CCSER1: variants seen among roughly 807,000 people sequenced by gnomAD.
CCSER1 encodes coiled-coil serine rich protein 1.
A neutral mutation model predicts 82.0 loss-of-function variants in CCSER1; 41 were observed. That is an observed-to-expected ratio of 0.50 (90% CI 0.39 to 0.65). The LOEUF is 0.65. CCSER1 is among the 30% of genes least tolerant of loss of function. The pLI, the probability that CCSER1 is intolerant of heterozygous loss-of-function variation, is 0.00. For missense variants in CCSER1, 1,119 were observed against 1,064.2 expected (o/e 1.05, Z -0.72); for synonymous variants, 414 against 383.9 (o/e 1.08, Z -0.92).
At chr4:90,533,346 T>C (rs1163611616) in intron 5 of CCSER1, among the ~76,000 whole-genome samples, 1 of 152,040 alleles carries the variant, frequency 6.6e-6, no homozygotes, top group Non-Finnish European at 1.5e-5. Flanking sequence ...CCGCCCGCCT[T>C]GGCCTCCCAA....
rs866468677 is a variant in CCSER1, at chr4:90,467,669, C to T, written c.1604-565C>T. On this transcript the variant is annotated intron_variant, in intron 4 of 10. Transcript: ENST00000509176. ...CTGCACTCCACTCTGGGAGACAGAG[C>T]GAGACTCCGTCTCAAAAAACAAAAC... 2.1e-4 allele frequency among the ~76,000 whole-genome samples: 32 copies of T among 151,212 alleles called. 1 individual carries two copies. The highest frequency in any genetic ancestry group is 5.1e-4 in the African/African-American group (21 of 41,146).
At chr4:90,493,788 C>A (rs1434285003) in intron 5 of CCSER1, among the ~76,000 whole-genome samples, 2 of 152,116 alleles carry the variant, frequency 1.3e-5, no homozygotes, top group African/African-American at 4.8e-5. Context: ...AAAGGAACAA[C>A]CGGTACCAGC....
chr4:90,834,960 G>A (rs1761600117), intron 8 of CCSER1, among the ~76,000 whole-genome samples: 1 of 152,152 alleles, frequency 6.6e-6, no homozygotes, highest in African/African-American at 2.4e-5. Context: ...CTTTTCAAAT[G>A]TTTCTAATAT....
At chr4:90,404,475 C>T (rs1025653305) in intron 4 of CCSER1, among the ~76,000 whole-genome samples, 1 of 152,178 alleles carries the variant, frequency 6.6e-6, no homozygotes, top group African/African-American at 2.4e-5. Flanking sequence ...CCAAGTGTCC[C>T]TAGGGCAAGT....
At chr4:91,114,674 G>T in intron 10 of CCSER1, among the ~76,000 whole-genome samples, 1 of 152,286 alleles carries the variant, frequency 6.6e-6, no homozygotes, top group East Asian at 1.9e-4. Context: ...TTATACAAAT[G>T]AAAGAAAGAT....
rs62309639 is a variant in CCSER1 at position 91,566,787 on chromosome 4, T to C, written c.2218-31785T>C. Among the ~76,000 whole-genome samples, 807 of 152,096 alleles carry C rather than the reference T, an allele frequency of 5.3e-3. 1 individual carries two copies. The highest frequency in any genetic ancestry group is 8.1e-3 in the Admixed American group (123 of 15,270). On this transcript the variant is annotated intron_variant, in intron 10 of 10. Coordinates refer to ENST00000509176, the MANE Select transcript of CCSER1 (RefSeq NM_001145065.2). ...ATTTGGATCTTCTCTCTATTCTTCT[T>C]TATTAGTATAGCTAGTAACCTATCT...
At chr4:90,564,622 C>T (rs1046834434) in intron 5 of CCSER1, among the ~76,000 whole-genome samples, 2 of 151,336 alleles carry the variant, frequency 1.3e-5, no homozygotes, top group African/African-American at 2.4e-5. Flanking sequence ...TGGAGCTTTC[C>T]CTCTATTTTT....
intron 3 of CCSER1, among the ~76,000 whole-genome samples, chr4:90,366,910 A>G (rs1298982984): frequency 6.6e-6 from 1 of 151,888 alleles, no homozygotes; most frequent in Non-Finnish European, 1.5e-5. Flanking sequence ...AATAAAAGGT[A>G]TGTATAACTT....
intron 4 of CCSER1, among the ~76,000 whole-genome samples, chr4:90,413,068 A>G (rs756752980): frequency 2.0e-5 from 3 of 152,246 alleles, no homozygotes; most frequent in Non-Finnish European, 4.4e-5. Flanking sequence ...GACTCATTCA[A>G]AAACCTCCTG....
chr4:90,405,905 A>G lies in CCSER1; in HGVS notation c.1603+5776A>G, dbSNP rs542464597. ...ATTTTCAAAATACACCAAAAGAGAA[A>G]CTCCTTAAAGCATAAATCTCACTGA... On this transcript the variant is annotated intron_variant, in intron 4 of 10. Coordinates refer to ENST00000509176, the MANE Select transcript of CCSER1 (RefSeq NM_001145065.2). Among the ~76,000 whole-genome samples the G allele has an allele frequency of 6.8e-4, 103 of 152,226 alleles. 1 individual carries two copies. The South Asian group carries it at 0.021, about 31-fold the overall frequency.
rs114311236 is a variant in CCSER1 at position 90,428,019 on chromosome 4, G to A, written c.1603+27890G>A. Among the ~76,000 whole-genome samples, 275 of 151,842 alleles carry A rather than the reference G, an allele frequency of 1.8e-3. 2 individuals are homozygous for A. The highest frequency in any genetic ancestry group is 2.6e-3 in the Non-Finnish European group (175 of 67,754). ...CATTTTGTAGATAATATGCCCATAG[G>A]TTCTGAATCAAACAAGTGTTATAGA... On this transcript the variant is annotated intron_variant, in intron 4 of 10. Coordinates refer to ENST00000509176, the MANE Select transcript of CCSER1 (RefSeq NM_001145065.2).
At chr4:90,566,016 G>T (rs1037366652) in intron 5 of CCSER1, among the ~76,000 whole-genome samples, 1 of 150,904 alleles carries the variant, frequency 6.6e-6, no homozygotes, top group Admixed American at 6.6e-5. Flanking sequence ...TGCCACCACG[G>T]CCAGCTAATT....
At chr4:90,594,891 C>A (rs1227704871) in intron 5 of CCSER1, among the ~76,000 whole-genome samples, 1 of 151,974 alleles carries the variant, frequency 6.6e-6, no homozygotes, top group Non-Finnish European at 1.5e-5. Flanking sequence ...TGGAAAGCAA[C>A]AAAAACTCTT....
At chr4:90,348,222 C>T (rs1007629891) in intron 3 of CCSER1, among the ~76,000 whole-genome samples, 10 of 151,812 alleles carry the variant, frequency 6.6e-5, no homozygotes, top group Admixed American at 5.9e-4. Context: ...CCATGGTGCA[C>T]GTTTACCTAT....
chr4:90,214,240 G>A (rs1484073045), intron 1 of CCSER1, among the ~76,000 whole-genome samples: 2 of 152,096 alleles, frequency 1.3e-5, no homozygotes, highest in African/African-American at 4.8e-5. Flanking sequence ...GGACAGAGTT[G>A]CAAGTGGATT....
chr4:91,356,512 C>T (rs1748841653), intron 10 of CCSER1, among the ~76,000 whole-genome samples: 2 of 152,158 alleles, frequency 1.3e-5, no homozygotes, highest in South Asian at 4.1e-4. Context: ...AGGGGCTTCT[C>T]TTGCTTTACG....
chr4:91,367,469 A>G (rs1031968346), intron 10 of CCSER1, among the ~76,000 whole-genome samples: 3 of 145,542 alleles, frequency 2.1e-5, no homozygotes, highest in Non-Finnish European at 4.5e-5. Context: ...TGTTCTGACC[A>G]TGGAACTGGA....
intron 7 of CCSER1, among the ~76,000 whole-genome samples, chr4:90,754,545 A>G (rs1419267007): frequency 6.6e-6 from 1 of 152,172 alleles, no homozygotes; most frequent in Non-Finnish European, 1.5e-5. Flanking sequence ...AATTAGCCAG[A>G]CAATTTTGTG....
At chr4:90,600,719 T>A (rs1270833112) in intron 5 of CCSER1, among the ~76,000 whole-genome samples, 1 of 152,112 alleles carries the variant, frequency 6.6e-6, no homozygotes, top group South Asian at 2.1e-4. Flanking sequence ...AAATTTTTTT[T>A]AAATTTTAGA....
Sources: allele counts gnomAD v4.1 joint callset (sites outside exome capture counted in the v4.1 genomes callset), GRCh38; gene constraint gnomAD v4.1.1; transcripts MANE v1.5; gene names NCBI Gene and HGNC (gene_info 2026-07-23, HGNC 2026-07-21).